The following EML6 variants were observed in gnomAD, a reference collection of about 807,000 sequenced individuals.
EML6 encodes the protein echinoderm microtubule-associated protein-like 6.
EML6 carries 154 observed loss-of-function variants against 240.1 expected under a neutral mutation model. That is an observed-to-expected ratio of 0.64 (90% CI 0.56 to 0.73). The LOEUF is 0.73. Ranked by LOEUF, EML6 falls within the 30% of genes least tolerant of loss-of-function variation. The probability of loss-of-function intolerance (pLI) is 0.00; values close to 1 mark genes in which losing one functional copy is unlikely to be tolerated. For missense variants in EML6, 2,964 were observed against 2,474.6 expected (o/e 1.20, Z -4.20); for synonymous variants, 1,148 against 899.0 (o/e 1.28, Z -4.95).
chr2:54,903,511 T>C lies in EML6; in HGVS notation c.3409+9T>C. 6.5e-7 allele frequency: 1 copy of C among 1,536,804 alleles called. No homozygotes were observed. The highest frequency in any genetic ancestry group is 8.8e-7 in the Non-Finnish European group (1 of 1,141,112). On this transcript the variant is annotated intron_variant, in intron 24 of 41. Transcript: ENST00000356458. The stretch of plus-strand genomic sequence containing the variant: ...TGACTGGGACTCTAGAGGTAAAGTA[T>C]GTTGTGGCTTTTAAAATAGAATTTC...
intron 2 of EML6, among the ~76,000 whole-genome samples, chr2:54,735,553 C>T (rs1424581083): frequency 1.3e-5 from 2 of 152,138 alleles, no homozygotes; most frequent in East Asian, 1.9e-4. Flanking sequence ...TTCTTAGACA[C>T]CAAATTTGAT....
At chr2:54,949,219 C>G (rs1214985448) in intron 29 of EML6, among the ~76,000 whole-genome samples, 1 of 152,114 alleles carries the variant, frequency 6.6e-6, no homozygotes, top group Non-Finnish European at 1.5e-5. Flanking sequence ...TCCTGTGTCC[C>G]TCAAGCCTGG....
intron 2 of EML6, among the ~76,000 whole-genome samples, chr2:54,737,298 T>C (rs900597369): frequency 5.9e-5 from 9 of 152,124 alleles, no homozygotes; most frequent in Non-Finnish European, 1.3e-4. Flanking sequence ...ATATGTTTTC[T>C]TTTTGTTTTT....
intron 7 of EML6, among the ~76,000 whole-genome samples, chr2:54,842,969 G>A (rs1382017022): frequency 1.3e-5 from 2 of 152,116 alleles, no homozygotes; most frequent in African/African-American, 4.8e-5. Flanking sequence ...TCTGAGACAT[G>A]GTGCATCTGT....
rs1021875040 is a variant in EML6, at chr2:54,827,535, T to C, written c.526-31T>C. 3 of 1,519,410 alleles carry C rather than the reference T, an allele frequency of 2.0e-6. No individual in the cohort carries two copies. In the African/African-American group the frequency reaches 4.1e-5, roughly 21 times the overall value. 94.1% of individuals were successfully genotyped at this position (1,519,410 alleles called of 1,614,324 possible). A position where few individuals can be genotyped will look rare whatever the true frequency, so the allele number is the denominator to read the frequency against. The stretch of plus-strand genomic sequence containing the variant: ...ATGCAATACATCCGAATACTCTATC[T>C]TGGAGATCTATTTTATCACTTACAT... On this transcript the variant is annotated intron_variant, in intron 5 of 41. Transcript: ENST00000356458.
At chr2:54,850,999 A>G (rs1308365005) in intron 10 of EML6, among the ~76,000 whole-genome samples, 1 of 152,236 alleles carries the variant, frequency 6.6e-6, no homozygotes, top group African/African-American at 2.4e-5. Flanking sequence ...ACATGAAAAA[A>G]TTCTGTATTA....
At chr2:54,797,239 A>T (rs1572912086) in intron 2 of EML6, among the ~76,000 whole-genome samples, 1 of 148,738 alleles carries the variant, frequency 6.7e-6, no homozygotes, top group African/African-American at 2.5e-5. Flanking sequence ...TATTTATTAT[A>T]ATAAGCCCCA....
intron 26 of EML6, among the ~76,000 whole-genome samples, 179 bp downstream of exon 26, chr2:54,917,114 TCATGG>T (rs1329921429): frequency 6.6e-6 from 1 of 152,200 alleles, no homozygotes; most frequent in Non-Finnish European, 1.5e-5. Flanking sequence ...AGTGCAATTC[TCATGG>T]CATAGAATTC....
At chr2:54,848,524 T>TACACACACACACACACACACAC (rs59587579) in intron 9 of EML6, among the ~76,000 whole-genome samples, 1,738 of 145,800 alleles carry the variant, frequency 0.012, 40 homozygotes, top group South Asian at 0.057. Context: ...GCTTCCACAC[T>TACACACACACACACACACACAC]ACACACACAC....
At chr2:54,949,995 A>G (rs1021656028) in intron 29 of EML6, among the ~76,000 whole-genome samples, 2 of 152,044 alleles carry the variant, frequency 1.3e-5, no homozygotes, top group Non-Finnish European at 1.5e-5. Context: ...CCCACACCCC[A>G]TCCTTCCACC....
At chr2:54,777,139 A>G (rs1391402011) in intron 2 of EML6, among the ~76,000 whole-genome samples, 3 of 152,170 alleles carry the variant, frequency 2.0e-5, no homozygotes, top group Admixed American at 6.6e-5. Context: ...TAACCTACTG[A>G]TATTTGACCT....
intron 32 of EML6, among the ~76,000 whole-genome samples, chr2:54,954,974 G>A (rs539906689): frequency 1.1e-4 from 17 of 152,330 alleles, no homozygotes; most frequent in African/African-American, 4.1e-4. Context: ...TCCCATGGAG[G>A]GGGTGGTGCG....
chr2:54,962,455 T>C (rs976166736), intron 35 of EML6, 68 bp from the exon 36 acceptor site: 9 of 1,234,028 alleles, frequency 7.3e-6, no homozygotes, highest in Non-Finnish European at 8.9e-6. Context: ...TTGTCTACTC[T>C]AGATACCTCA....
intron 22 of EML6, 39 bp from the exon 23 acceptor site, chr2:54,903,005 G>A: frequency 1.3e-6 from 2 of 1,542,088 alleles, no homozygotes; most frequent in African/African-American, 1.4e-5. Flanking sequence ...TGACAGTGAA[G>A]TTTTGGATAA....
At chr2:54,857,670 G>A (rs867030094) in intron 11 of EML6, among the ~76,000 whole-genome samples, 15 of 152,334 alleles carry the variant, frequency 9.8e-5, no homozygotes, top group South Asian at 2.1e-4. Context: ...TCAAAGAGGG[G>A]CTTGCTGTTG....
intron 17 of EML6, among the ~76,000 whole-genome samples, chr2:54,885,498 T>C (rs1672078015): frequency 6.6e-6 from 1 of 152,222 alleles, no homozygotes; most frequent in Non-Finnish European, 1.5e-5. Context: ...GGTTATCTGG[T>C]TGATTTCTTC....
chr2:54,822,353 A>G (rs893524018), intron 5 of EML6, among the ~76,000 whole-genome samples: 5 of 152,164 alleles, frequency 3.3e-5, no homozygotes, highest in African/African-American at 4.8e-5. Context: ...AGAAATGTCA[A>G]TTCTCTTTGA....
At chr2:54,840,978 C>A (rs1028105382) in intron 7 of EML6, among the ~76,000 whole-genome samples, 1 of 152,254 alleles carries the variant, frequency 6.6e-6, no homozygotes, top group South Asian at 2.1e-4. Context: ...ACAACTAATT[C>A]AGCCCCTCCT....
rs1669837102 is a variant in EML6 at position 54,847,639 on chromosome 2, GA to G, written c.1187+20del. 6.4e-7 allele frequency: 1 copy of G among 1,551,002 alleles called. No individual in the cohort carries two copies. The highest frequency in any genetic ancestry group is 1.4e-5 in the African/African-American group (1 of 73,000). ...TCCGAGTCAGGCACGTACTGATGTT[GA>G]AAATGGTATTTAGAAATGCTCTCGT... is the stretch of plus-strand genomic sequence containing the variant. On this transcript the variant is annotated intron_variant, in intron 9 of 41. Transcript: ENST00000356458.
Sources: allele counts gnomAD v4.1 joint callset (sites outside exome capture counted in the v4.1 genomes callset), GRCh38; gene constraint gnomAD v4.1.1; transcripts MANE v1.5; gene names NCBI Gene and HGNC (gene_info 2026-07-23, HGNC 2026-07-21).